FBRSL1: variants seen among roughly 807,000 people sequenced by gnomAD.
The protein encoded by FBRSL1 is fibrosin like 1.
FBRSL1 carries 51 observed loss-of-function variants against 89.6 expected under a neutral mutation model. That is an observed-to-expected ratio of 0.57 (90% confidence interval 0.45 to 0.72). The LOEUF is 0.72. FBRSL1 is among the 30% of genes least tolerant of loss of function. The pLI, the probability that FBRSL1 is intolerant of heterozygous loss-of-function variation, is 0.00. For missense variants in FBRSL1, 1,618 were observed against 1,451.8 expected (o/e 1.11, Z -1.86); for synonymous variants, 779 against 681.1 (o/e 1.14, Z -2.24).
chr12:132,519,006 C>T (rs1468719790), intron 2 of FBRSL1, among the ~76,000 whole-genome samples: 2 of 152,244 alleles, frequency 1.3e-5, no homozygotes, highest in Non-Finnish European at 2.9e-5. Flanking sequence ...TCCATCCATC[C>T]ACCCATCTGA....
chr12:132,490,504 A>T lies in FBRSL1; in HGVS notation c.-67A>T, dbSNP rs1413765820. ...CCCGGCGGCGCCGCGTAGCCGAGGG[A>T]GCCCGCCTGCTGCGAGCCAGGCGCG... On this transcript the variant is annotated 5_prime_UTR_variant, in exon 1 of 19. Transcript: ENST00000680143. 1 of 947,000 alleles carries T rather than the reference A, an allele frequency of 1.1e-6. No individual in the cohort carries two copies. The highest frequency in any genetic ancestry group is 1.3e-6 in the Non-Finnish European group (1 of 799,730). 58.7% of individuals were successfully genotyped at this position (947,000 alleles called of 1,614,324 possible). A position where few individuals can be genotyped will look rare whatever the true frequency, so the allele number is the denominator to read the frequency against.
At chr12:132,514,953 C>G (rs549864991) in intron 2 of FBRSL1, among the ~76,000 whole-genome samples, 1 of 152,174 alleles carries the variant, frequency 6.6e-6, no homozygotes, top group East Asian at 1.9e-4. Flanking sequence ...TCTGGGAAAG[C>G]CAGCAGGTGT....
At position 132,581,265 on chromosome 12, in the gene FBRSL1, G is replaced by A. The variant is rs3751307; in HGVS notation, c.1835-174G>A. 0.13 allele frequency: 126,071 copies of A among 985,252 alleles called. 8,635 individuals carry two copies. The highest frequency in any genetic ancestry group is 0.25 in the African/African-American group (14,496 of 57,264). 61.0% of individuals were successfully genotyped at this position (985,252 alleles called of 1,614,324 possible). A position where few individuals can be genotyped will look rare whatever the true frequency, so the allele number is the denominator to read the frequency against. On this transcript the variant is annotated intron_variant, in intron 15 of 18. Transcript: ENST00000680143. ...CCAAGTCAAACCTCCTCCGAATTGT[G>A]GGGTAGATTCCACCTCTTACTCTGA...
Position 132,574,490 on chromosome 12 carries a change from C to A in FBRSL1, c.1630-3C>A. The A allele has an allele frequency of 1.9e-6, 3 of 1,550,058 alleles. No individual in the cohort carries two copies. The highest frequency in any genetic ancestry group is 2.6e-6 in the Non-Finnish European group (3 of 1,146,710). On this transcript the variant is annotated splice_region_variant and splice_polypyrimidine_tract_variant and intron_variant, in intron 13 of 18. Coordinates refer to ENST00000680143, the MANE Select transcript of FBRSL1 (RefSeq NM_001367871.1). ...CCCACTGAGCGCTTCCATCCTGTCG[C>A]AGAAGCCGGGGAGGTGGTGTGCCGT...
rs1415099905 is a variant in FBRSL1 at position 132,570,351 on chromosome 12, C to T, written c.1024C>T (p.Pro342Ser). The part of the protein sequence containing the change: ...LHGLSRSSSA[P>S]LGLGKHVSLS... ...GTCCCGCAGCAGGAGCAGCAGCGCCCCCCTGGGCCTGGGGAAGCACGTGTC... is the reference window on the plus strand; with the variant it reads ...GTCCCGCAGCAGGAGCAGCAGCGCCTCCCTGGGCCTGGGGAAGCACGTGTC... The change falls in exon 8 of 19, where the codon CCC (proline) becomes TCC (serine). Residue 342 changes from proline to serine, a missense_variant. Pro to Ser is a moderately conservative substitution (Grantham distance 74, BLOSUM62 -1). Coordinates refer to ENST00000680143, the MANE Select transcript of FBRSL1 (RefSeq NM_001367871.1). 5 of 1,532,194 alleles carry T rather than the reference C, an allele frequency of 3.3e-6. No individual in the cohort carries two copies. Among genetic ancestry groups the T allele is most frequent in the Admixed American group, 2.0e-5 (1 of 50,744 alleles). 94.9% of individuals were successfully genotyped at this position (1,532,194 alleles called of 1,614,324 possible). A position where few individuals can be genotyped will look rare whatever the true frequency, so the allele number is the denominator to read the frequency against.
At chr12:132,518,450 TCCA>T in intron 2 of FBRSL1, among the ~76,000 whole-genome samples, 1 of 146,774 alleles carries the variant, frequency 6.8e-6, no homozygotes, top group Non-Finnish European at 1.5e-5. Flanking sequence ...GTGTATCTCA[TCCA>T]TCCATCCACC....
intron 6 of FBRSL1, 30 bp from the exon 7 acceptor site, chr12:132,569,896 G>A: frequency 2.2e-6 from 3 of 1,360,700 alleles, no homozygotes; most frequent in Non-Finnish European, 2.8e-6. Context: ...AGGCCCTGCT[G>A]GTCTGAACGC....
At chr12:132,500,851 C>T (rs1566100057) in intron 1 of FBRSL1, among the ~76,000 whole-genome samples, 1 of 152,230 alleles carries the variant, frequency 6.6e-6, no homozygotes, top group Non-Finnish European at 1.5e-5. Context: ...ACCTCTCCTG[C>T]CGCAGTGTCC....
At chr12:132,572,741 T>G (rs2040120535) in intron 11 of FBRSL1, 119 bp downstream of exon 11, 1 of 734,858 alleles carries the variant, frequency 1.4e-6, no homozygotes, top group Non-Finnish European at 2.3e-6. Flanking sequence ...CCCTTGTACC[T>G]GTCGTCATCT....
rs537934434 is a variant in FBRSL1 at position 132,533,280 on chromosome 12, C to T, written c.615+5292C>T. On this transcript the variant is annotated intron_variant, in intron 4 of 18. Transcript: ENST00000680143. ...CCTGGAGTCAGAGAGCCTCAGTCTC[C>T]TCCTGACCCAGCCTCTCCCTGGAGT... Among the ~76,000 whole-genome samples the T allele has an allele frequency of 1.8e-4, 25 of 141,822 alleles. 1 individual carries two copies. The highest frequency in any genetic ancestry group is 8.0e-3 in the Middle Eastern group (2 of 250). The allele number at this position is 141,822 out of a possible 152,430, so 93.0% of individuals were successfully genotyped here.
chr12:132,567,158 A>G (rs768002000), intron 5 of FBRSL1, among the ~76,000 whole-genome samples: 2 of 152,004 alleles, frequency 1.3e-5, no homozygotes, highest in African/African-American at 2.4e-5. Flanking sequence ...AGATTTGCCA[A>G]ATGCCGGCGC....
intron 5 of FBRSL1, among the ~76,000 whole-genome samples, chr12:132,549,985 G>GGCGGT (rs1236935963): frequency 2.0e-5 from 3 of 152,338 alleles, no homozygotes; most frequent in Non-Finnish European, 4.4e-5. Context: ...ACCAGCTCTG[G>GGCGGT]GCGGTGTCGG....
At chr12:132,509,378 C>T in intron 2 of FBRSL1, 1 of 1,243,288 alleles carries the variant, frequency 8.0e-7, no homozygotes. Flanking sequence ...CACTTCTGGG[C>T]CTGAAACAGC....
intron 1 of FBRSL1, among the ~76,000 whole-genome samples, chr12:132,496,288 A>G (rs900594257): frequency 3.3e-5 from 5 of 152,154 alleles, no homozygotes; most frequent in African/African-American, 1.2e-4. Context: ...GACGTCCGCC[A>G]TATCCCGCCT....
chr12:132,560,009 G>T (rs1353323247), intron 5 of FBRSL1: 1 of 148,594 alleles, frequency 6.7e-6, no homozygotes, highest in Non-Finnish European at 1.5e-5. Flanking sequence ...CGCGCCCGAC[G>T]TCCGCCCGGG....
intron 5 of FBRSL1, among the ~76,000 whole-genome samples, chr12:132,557,999 G>T (rs1216513828): frequency 1.3e-5 from 2 of 152,094 alleles, no homozygotes; most frequent in African/African-American, 4.8e-5. Context: ...CTGAGCTAGG[G>T]TTCTGCCTGA....
intron 9 of FBRSL1, chr12:132,571,975 T>G: frequency 2.2e-6 from 1 of 460,192 alleles, no homozygotes; most frequent in South Asian, 3.9e-5. Context: ...TAACCCGGTG[T>G]GTCCCCAGCG....
intron 15 of FBRSL1, among the ~76,000 whole-genome samples, chr12:132,577,622 C>G (rs2040461699): frequency 6.6e-6 from 1 of 152,054 alleles, no homozygotes; most frequent in African/African-American, 2.4e-5. Flanking sequence ...ACCCACTCCC[C>G]CGAGTCACCC....
intron 1 of FBRSL1, among the ~76,000 whole-genome samples, chr12:132,502,659 C>T (rs1441982774): frequency 1.3e-5 from 2 of 152,088 alleles, no homozygotes; most frequent in East Asian, 1.9e-4. Flanking sequence ...AGCAGTAGCT[C>T]CACTGCAGTC....
Sources: gnomAD v4.1 joint callset for allele counts (sites outside exome capture counted in the v4.1 genomes callset) on GRCh38, gnomAD v4.1.1 for gene constraint, MANE v1.5 for transcripts, NCBI Gene and HGNC (gene_info 2026-07-23, HGNC 2026-07-21) for gene names.